HFM1: variants seen among roughly 807,000 people sequenced by gnomAD.
HFM1 encodes helicase for meiosis 1, also known as probable ATP-dependent DNA helicase HFM1.
HFM1 carries 169 observed loss-of-function variants against 192.1 expected under a neutral mutation model. That is an observed-to-expected ratio of 0.88 (90% CI 0.78 to 1.00). HFM1 has a LOEUF of 1.00. HFM1 is among the 50% of genes least tolerant of loss of function. The pLI is 0.00. For synonymous variants in HFM1, 525 were observed against 537.8 expected, an observed-to-expected ratio of 0.98 and a Z score of 0.33; for missense variants, 1,661 against 1,668.0, an observed-to-expected ratio of 1.00 and a Z score of 0.07.
At chr1:91,303,935 T>C (rs572726768) in intron 30 of HFM1, among the ~76,000 whole-genome samples, 2 of 152,128 alleles carry the variant, frequency 1.3e-5, no homozygotes, top group African/African-American at 4.8e-5. Flanking sequence ...AACCTCTACC[T>C]CCTGAGTTCA....
rs1429687475 is a variant in HFM1 at position 91,267,871 on chromosome 1, T to C, written c.3773-16A>G. 1.0e-5 allele frequency: 13 copies of C among 1,284,856 alleles called. No homozygotes were observed. The highest frequency in any genetic ancestry group is 1.4e-5 in the Non-Finnish European group (13 of 900,468). 79.6% of individuals were successfully genotyped at this position (1,284,856 alleles called of 1,614,324 possible). ...TTCAAAACTTCTGAAAATAGAGAATTGCTTTTATCTGCATCTGTCAAATGT... is the reference window on the plus strand; with the variant it reads ...TTCAAAACTTCTGAAAATAGAGAATCGCTTTTATCTGCATCTGTCAAATGT... On this transcript the variant is annotated splice_polypyrimidine_tract_variant and intron_variant, in intron 34 of 38. Transcript: ENST00000370425.
chr1:91,403,207 T>C (rs1664488965), intron 1 of HFM1, among the ~76,000 whole-genome samples: 1 of 152,158 alleles, frequency 6.6e-6, no homozygotes, highest in Admixed American at 6.5e-5. Context: ...CATTAATGTG[T>C]TCCAATAACC....
rs1662080696 is a variant in HFM1 at position 91,385,465 on chromosome 1, GCA to G, written c.754+108_754+109del. ...AATATAATAAAAAAATGCAGAAATTGCACAGAGAGATAATTTACTCAAATTTA... is the reference window on the plus strand; with the variant it reads ...AATATAATAAAAAAATGCAGAAATTGCAGAGAGATAATTTACTCAAATTTA... On this transcript the variant is annotated intron_variant, in intron 5 of 38. Coordinates refer to ENST00000370425, the MANE Select transcript of HFM1 (RefSeq NM_001017975.6). The G allele has an allele frequency of 8.6e-6, 8 of 933,076 alleles. No homozygotes were observed. The East Asian group carries it at 1.5e-4, about 18-fold the overall frequency. The allele number at this position is 933,076 out of a possible 1,614,324, so 57.8% of individuals were successfully genotyped here.
chr1:91,382,456 C>T (rs1661664654), intron 6 of HFM1, among the ~76,000 whole-genome samples: 1 of 152,158 alleles, frequency 6.6e-6, no homozygotes, highest in Admixed American at 6.6e-5. Context: ...ATCCCAAATA[C>T]TTAGAACAGT....
chr1:91,329,591 A>T (rs1412664316), intron 20 of HFM1: 1 of 1,074,542 alleles, frequency 9.3e-7, no homozygotes, highest in Non-Finnish European at 1.3e-6. Flanking sequence ...CTACAGCTAG[A>T]GAAACCTTCA....
chr1:91,406,468 C>T (rs909006556), upstream of HFM1, among the ~76,000 whole-genome samples: 3 of 152,128 alleles, frequency 2.0e-5, no homozygotes, highest in South Asian at 6.2e-4. Flanking sequence ...TAGAGCCTTA[C>T]TTTCTCTTAA....
chr1:91,359,917 A>T (rs1658273605), intron 13 of HFM1, among the ~76,000 whole-genome samples: 1 of 152,218 alleles, frequency 6.6e-6, no homozygotes. Flanking sequence ...CTAACAGTGG[A>T]TCTCTCAGCA....
chr1:91,341,036 G>A (rs1479781087), intron 20 of HFM1, among the ~76,000 whole-genome samples: 1 of 152,004 alleles, frequency 6.6e-6, no homozygotes, highest in Non-Finnish European at 1.5e-5. Context: ...AGATCATCAG[G>A]GCAGAAAACA....
chr1:91,407,716 A>G (rs187282701), upstream of HFM1, among the ~76,000 whole-genome samples: 36 of 152,288 alleles, frequency 2.4e-4, no homozygotes, highest in Non-Finnish European at 1.6e-4. Flanking sequence ...GCTTCTATGA[A>G]CATTCGTGTG....
At chr1:91,265,922 C>T (rs1665721410) in intron 36 of HFM1, 95 bp downstream of exon 36, 1 of 1,511,844 alleles carries the variant, frequency 6.6e-7, no homozygotes, top group Non-Finnish European at 8.8e-7. Context: ...TACCTTTTAG[C>T]ATCTGTGACA....
chr1:91,349,476 C>CT (rs1656640198), intron 18 of HFM1, among the ~76,000 whole-genome samples: 1 of 152,194 alleles, frequency 6.6e-6, no homozygotes, highest in Non-Finnish European at 1.5e-5. Context: ...TAGTCTGTCT[C>CT]TGTCTCTGTC....
intron 23 of HFM1, among the ~76,000 whole-genome samples, chr1:91,322,270 A>G (rs10801861): frequency 0.2 from 30,179 of 152,142 alleles, 3,412 homozygotes; most frequent in Non-Finnish European, 0.26. Flanking sequence ...TCCCAAAGAA[A>G]GAATGGCCTC....
At chr1:91,277,913 TAC>T (rs1159389569) in intron 30 of HFM1, among the ~76,000 whole-genome samples, 64 of 135,914 alleles carry the variant, frequency 4.7e-4, no homozygotes, top group Admixed American at 8.3e-4. Flanking sequence ...ATATAATATA[TAC>T]ACTAATATAT....
chr1:91,376,025 A>G (rs1660865060), intron 11 of HFM1, among the ~76,000 whole-genome samples: 1 of 151,290 alleles, frequency 6.6e-6, no homozygotes, highest in Non-Finnish European at 1.5e-5. Context: ...CAATTTTGTC[A>G]TAGAGGCCAA....
At chr1:91,281,064 T>C (rs556942011) in intron 30 of HFM1, among the ~76,000 whole-genome samples, 2 of 152,160 alleles carry the variant, frequency 1.3e-5, no homozygotes, top group African/African-American at 4.8e-5. Flanking sequence ...CAGATCTGCA[T>C]TGTGAAAAAC....
upstream of HFM1, chr1:91,404,873 C>A (rs1557548096): frequency 8.8e-6 from 4 of 455,484 alleles, no homozygotes; most frequent in Admixed American, 2.4e-5. Context: ...CCTGGCTAAG[C>A]CGAGCTCCAA....
intron 28 of HFM1, among the ~76,000 whole-genome samples, chr1:91,314,592 C>T (rs1434871101): frequency 6.6e-6 from 1 of 152,024 alleles, no homozygotes; most frequent in Non-Finnish European, 1.5e-5. Flanking sequence ...TTCCAAGTTG[C>T]ATTTACCATT....
At position 91,316,464 on chromosome 1, in the gene HFM1, G is replaced by T. The variant is rs778614772; in HGVS notation, c.2825C>A (p.Ser942Ter). 1 of 1,543,952 alleles carries T rather than the reference G, an allele frequency of 6.5e-7. No individual in the cohort carries two copies. The highest frequency in any genetic ancestry group is 2.3e-5 in the East Asian group (1 of 43,274). The change falls in exon 26 of 39, where the codon TCA becomes TAA. Residue 942 changes from serine to a stop codon, truncating the protein, a stop_gained. Transcript: ENST00000370425. LOFTEE classifies it high-confidence loss of function. ...CAAACCAGCATTTACGATTGCATTT[G>T]ACAATGTTATACCTGTGGAAAATTA... ...KQLEKIGITLSNAIVNAGLTS... is the reference protein window; with the variant it reads ...KQLEKIGITL
At chr1:91,342,353 T>C (rs1655482341) in intron 20 of HFM1, among the ~76,000 whole-genome samples, 1 of 152,092 alleles carries the variant, frequency 6.6e-6, no homozygotes, top group African/African-American at 2.4e-5. Flanking sequence ...AGAAACAACA[T>C]GTACAGGAAG....
Sources: gnomAD v4.1 joint callset for allele counts (sites outside exome capture counted in the v4.1 genomes callset) on GRCh38, gnomAD v4.1.1 for gene constraint, MANE v1.5 for transcripts, NCBI Gene and HGNC (gene_info 2026-07-23, HGNC 2026-07-21) for gene names.